PPP1CB: variants seen among roughly 807,000 people sequenced by gnomAD.
PPP1CB encodes the protein protein phosphatase 1 catalytic subunit beta.
In PPP1CB, 2 loss-of-function variants were observed where a neutral mutation model predicts 43.7. That is an observed-to-expected ratio of 0.05 (90% confidence interval 0.02 to 0.14). The LOEUF (loss-of-function observed/expected upper bound fraction) is 0.14, where lower values mean the gene tolerates loss of function less well. Ranked by LOEUF, PPP1CB falls within the 10% of genes least tolerant of loss-of-function variation. PPP1CB has a pLI of 1.00. For synonymous variants in PPP1CB, 136 were observed against 135.6 expected, an observed-to-expected ratio of 1.00 and a Z score of -0.02; for missense variants, 84 against 398.0, an observed-to-expected ratio of 0.21 and a Z score of 6.71.
At chr2:28,794,035 TAATAA>T in intron 7 of PPP1CB, 38 bp downstream of exon 7, 1 of 1,494,312 alleles carries the variant, frequency 6.7e-7, no homozygotes, top group Non-Finnish European at 9.2e-7. Flanking sequence ...ACTAGAAATC[TAATAA>T]AAACTATTAT....
intron 1 of PPP1CB, among the ~76,000 whole-genome samples, chr2:28,769,121 T>G (rs1666844544): frequency 6.6e-6 from 1 of 152,174 alleles, no homozygotes; most frequent in African/African-American, 2.4e-5. Flanking sequence ...ATTCATTATC[T>G]TCAGGGAACA....
chr2:28,797,187 G>A (rs113506355), intron 7 of PPP1CB, among the ~76,000 whole-genome samples: 35 of 152,106 alleles, frequency 2.3e-4, no homozygotes, highest in African/African-American at 8.2e-4. Context: ...TTTTGTTGAC[G>A]ATTTTGCATC....
chr2:28,769,885 G>C (rs1666865809), intron 1 of PPP1CB, among the ~76,000 whole-genome samples: 2 of 152,174 alleles, frequency 1.3e-5, no homozygotes, highest in South Asian at 2.1e-4. Flanking sequence ...GGGAAAGAGA[G>C]AGGAATGAAG....
Position 28,762,029 on chromosome 2 carries a change from A to G in PPP1CB, c.52+9853A>G, listed in dbSNP as rs1666668535. Reference sequence around the variant, plus strand: ...CCGGGCATGGTAGCTCACACGTGTAATCTCAGCACTTTGGGAGGCCGAGGC... The same window carrying G: ...CCGGGCATGGTAGCTCACACGTGTAGTCTCAGCACTTTGGGAGGCCGAGGC... On this transcript the variant is annotated intron_variant, in intron 1 of 7. Transcript: ENST00000395366. Among the ~76,000 whole-genome samples the G allele has an allele frequency of 2.0e-5, 3 of 152,216 alleles. 1 individual carries two copies.
chr2:28,752,486 G>GC (rs1353738269), intron 1 of PPP1CB, among the ~76,000 whole-genome samples: 1 of 152,206 alleles, frequency 6.6e-6, no homozygotes, highest in Admixed American at 6.5e-5. Context: ...AAGGCCGCCG[G>GC]GCTCCGCGCG....
At chr2:28,759,520 CAAAAAAAAAAAAAA>C (rs559532367) in intron 1 of PPP1CB, among the ~76,000 whole-genome samples, 3 of 100,822 alleles carry the variant, frequency 3.0e-5, no homozygotes, top group Admixed American at 1.2e-4. Context: ...ACTGCATCTC[CAAAAAAAAAAAAAA>C]AAAAAAAAAA....
intron 4 of PPP1CB, among the ~76,000 whole-genome samples, chr2:28,783,424 A>G (rs1018044623): frequency 1.3e-5 from 2 of 152,196 alleles, no homozygotes; most frequent in Admixed American, 1.3e-4. Context: ...GCTGTATTAT[A>G]TCAAAGTGGA....
At chr2:28,780,400 C>T (rs1304550857) in intron 3 of PPP1CB, among the ~76,000 whole-genome samples, 1 of 152,068 alleles carries the variant, frequency 6.6e-6, no homozygotes, top group African/African-American at 2.4e-5. Context: ...CATGAGCTTA[C>T]ATTCTAATAG....
intron 3 of PPP1CB, among the ~76,000 whole-genome samples, chr2:28,779,830 T>C (rs1667116823): frequency 6.6e-6 from 1 of 152,214 alleles, no homozygotes. Flanking sequence ...TTTGAGGGTA[T>C]GTTATATGTG....
At chr2:28,757,873 G>A (rs568934297) in intron 1 of PPP1CB, among the ~76,000 whole-genome samples, 12 of 151,642 alleles carry the variant, frequency 7.9e-5, no homozygotes, top group Non-Finnish European at 1.3e-4. Flanking sequence ...ATGAAGATTC[G>A]TTGGGATTTA....
intron 1 of PPP1CB, among the ~76,000 whole-genome samples, chr2:28,757,682 T>TAG (rs1666525762): frequency 6.6e-6 from 1 of 152,308 alleles, no homozygotes; most frequent in East Asian, 1.9e-4. Flanking sequence ...GATGAGATAC[T>TAG]AGAGGAGACA....
In PPP1CB at chr2:28,800,455, T is replaced by A. The variant is rs950257690; in HGVS notation, c.*1152T>A. 2 of 152,444 alleles carry A rather than the reference T, an allele frequency of 1.3e-5. No individual in the cohort carries two copies. Among genetic ancestry groups the A allele is most frequent in the Non-Finnish European group, 2.9e-5 (2 of 67,916 alleles). The allele number at this position is 152,444 out of a possible 1,614,324, so 9.4% of individuals were successfully genotyped here. On this transcript the variant is annotated 3_prime_UTR_variant, in exon 8 of 8. Transcript: ENST00000395366. ...GAATGTTGTATACGATTGTAAGGCTTATGTCACTAAAGATTTTTATTCTGA... is the reference window on the plus strand; with the variant it reads ...GAATGTTGTATACGATTGTAAGGCTAATGTCACTAAAGATTTTTATTCTGA...
chr2:28,797,406 T>C (rs896511059), intron 7 of PPP1CB, among the ~76,000 whole-genome samples: 3 of 152,144 alleles, frequency 2.0e-5, no homozygotes, highest in African/African-American at 4.8e-5. Context: ...AGGGCTTTTT[T>C]TGGTTTATAG....
rs1292311189 is a variant in PPP1CB at position 28,802,425 on chromosome 2, C to G, written c.*3122C>G. ...TCTTGTTTTCCTTGTGAGTCCATGG[C>G]TAAATCAAAGCTGCCCCTGAGAAGA... On this transcript the variant is annotated 3_prime_UTR_variant, in exon 8 of 8. Transcript: ENST00000395366. 1.3e-5 allele frequency: 2 copies of G among 152,150 alleles called. No individual in the cohort carries two copies. The highest frequency in any genetic ancestry group is 4.1e-4 in the South Asian group (2 of 4,838). 9.4% of individuals were successfully genotyped at this position (152,150 alleles called of 1,614,324 possible).
At chr2:28,794,968 G>A (rs1667469445) in intron 7 of PPP1CB, among the ~76,000 whole-genome samples, 1 of 152,068 alleles carries the variant, frequency 6.6e-6, no homozygotes, top group Non-Finnish European at 1.5e-5. Context: ...AGTGAGCATA[G>A]AGTTTTTCAT....
intron 1 of PPP1CB, among the ~76,000 whole-genome samples, chr2:28,773,891 T>A (rs929031329): frequency 6.6e-6 from 1 of 152,028 alleles, no homozygotes. Flanking sequence ...AATGCACTTT[T>A]ATGTGCCACT....
At chr2:28,774,455 C>T (rs1002757881) in intron 1 of PPP1CB, among the ~76,000 whole-genome samples, 4 of 152,048 alleles carry the variant, frequency 2.6e-5, no homozygotes, top group Admixed American at 6.5e-5. Context: ...GACAGAATTT[C>T]GCTCTTGTCT....
At chr2:28,769,953 G>A (rs867401994) in intron 1 of PPP1CB, among the ~76,000 whole-genome samples, 2 of 152,062 alleles carry the variant, frequency 1.3e-5, no homozygotes, top group Non-Finnish European at 2.9e-5. Flanking sequence ...CAACTTCGTC[G>A]ATGATTATAT....
chr2:28,790,318 G>C (rs1294961277), intron 6 of PPP1CB, among the ~76,000 whole-genome samples: 2 of 152,006 alleles, frequency 1.3e-5, no homozygotes, highest in African/African-American at 4.8e-5. Flanking sequence ...CTTGGTAATA[G>C]GTATGAATTA....
Sources: allele counts gnomAD v4.1 joint callset (sites outside exome capture counted in the v4.1 genomes callset), GRCh38; gene constraint gnomAD v4.1.1; transcripts MANE v1.5; gene names NCBI Gene and HGNC (gene_info 2026-07-23, HGNC 2026-07-21).